Variants in MRPL21 observed in about 807,000 individuals in gnomAD.
The protein encoded by MRPL21 is large ribosomal subunit protein bL21m.
MRPL21 carries 20 observed loss-of-function variants against 27.3 expected under a neutral mutation model. The ratio of observed to expected loss-of-function variants is 0.73; its 90% CI spans 0.52 to 1.06. The LOEUF (loss-of-function observed/expected upper bound fraction) is 1.06. MRPL21 is among the 50% of genes least tolerant of loss of function. The probability of loss-of-function intolerance (pLI) is 0.00; values close to 1 mark genes in which losing one functional copy is unlikely to be tolerated. For synonymous variants in MRPL21, 98 were observed against 101.5 expected, an observed-to-expected ratio of 0.97 and a Z score of 0.21; for missense variants, 249 against 251.4, an observed-to-expected ratio of 0.99 and a Z score of 0.06.
chr11:68,893,591 G>C, intron 4 of MRPL21, 136 bp from the exon 5 acceptor site: 1 of 1,175,782 alleles, frequency 8.5e-7, no homozygotes, highest in Non-Finnish European at 1.2e-6. Context: ...TTCATCTGCT[G>C]TCTAATGATC....
Position 68,896,630 on chromosome 11 carries a change from C to G in MRPL21, c.281G>C (p.Arg94Thr). ...NEMIVTGQYG[R>T]LFAVVHFASR... The stretch of plus-strand genomic sequence containing the variant: ...GGCAAAGTGCACCACGGCAAAGAGC[C>G]TGCCATACTGCCCCGTGACGATCAT... Residue 94 changes from arginine to threonine, a missense_variant, in exon 4 of 7, where the codon AGG becomes ACG. By Grantham distance (71) the Arg-to-Thr change is moderately conservative. Transcript: ENST00000362034. 6.2e-7 allele frequency: 1 copy of G among 1,614,242 alleles called. No homozygotes were observed. The highest frequency in any genetic ancestry group is 8.5e-7 in the Non-Finnish European group (1 of 1,180,044).
Position 68,898,027 on chromosome 11 carries a change from T to C in MRPL21, c.147-15A>G. On this transcript the variant is annotated splice_polypyrimidine_tract_variant and intron_variant, in intron 2 of 6. Transcript: ENST00000362034. ...TAGGAACATATCTGTAAAACACATT[T>C]CGTAGACAAATGTCACAAGCACCTG... The C allele has an allele frequency of 1.9e-6, 3 of 1,606,270 alleles. No homozygotes were observed. Among genetic ancestry groups the C allele is most frequent in the Non-Finnish European group, 2.6e-6 (3 of 1,172,908 alleles).
chr11:68,900,703 G>A, intron 1 of MRPL21, 98 bp from the exon 2 acceptor site: 12 of 1,057,514 alleles, frequency 1.1e-5, no homozygotes, highest in Non-Finnish European at 1.8e-5. Flanking sequence ...CCTGGTACAT[G>A]GTATGAACCA....
intron 6 of MRPL21, chr11:68,891,961 G>T: frequency 1.3e-5 from 10 of 741,372 alleles, no homozygotes; most frequent in Non-Finnish European, 1.8e-5. Flanking sequence ...GTGCAGACCT[G>T]CTAGGACAGC....
intron 4 of MRPL21, among the ~76,000 whole-genome samples, chr11:68,894,241 G>A (rs982898641): frequency 1.1e-4 from 17 of 152,100 alleles, no homozygotes; most frequent in African/African-American, 4.1e-4. Context: ...CACCAAGTGT[G>A]GCTGCAGATG....
intron 5 of MRPL21, 181 bp downstream of exon 5, chr11:68,893,219 CAAT>C (rs1282138403): frequency 1.4e-6 from 2 of 1,403,596 alleles, no homozygotes; most frequent in Non-Finnish European, 1.9e-6. Context: ...AGCAAGAGAC[CAAT>C]AATTTGGTCT....
chr11:68,897,067 G>C (rs1244512497), intron 3 of MRPL21, among the ~76,000 whole-genome samples: 1 of 152,202 alleles, frequency 6.6e-6, no homozygotes, highest in East Asian at 1.9e-4. Flanking sequence ...GGAGCCAGCA[G>C]ACCAGAAGTG....
intron 6 of MRPL21, 63 bp downstream of exon 6, chr11:68,892,827 T>C: frequency 6.3e-7 from 1 of 1,577,972 alleles, no homozygotes; most frequent in Non-Finnish European, 8.6e-7. Flanking sequence ...ACACCCTCCG[T>C]CCGCATGCGC....
Position 68,896,762 on chromosome 11 carries a change from G to A in MRPL21, c.233-84C>T, listed in dbSNP as rs1325555472. On this transcript the variant is annotated intron_variant, in intron 3 of 6. Coordinates refer to ENST00000362034, the MANE Select transcript of MRPL21 (RefSeq NM_181514.2). Reference sequence around the variant, plus strand: ...GTGTGATGTGCAGCTCCTGGTGGTGGGGCCCTAGGGTGGACCTGACAGCCA... The same window carrying A: ...GTGTGATGTGCAGCTCCTGGTGGTGAGGCCCTAGGGTGGACCTGACAGCCA... The A allele has an allele frequency of 1.8e-5, 28 of 1,562,366 alleles. 1 individual carries two copies. Among genetic ancestry groups the A allele is most frequent in the Admixed American group, 6.8e-5 (4 of 58,596 alleles).
intron 6 of MRPL21, 171 bp downstream of exon 6, chr11:68,892,719 A>G (rs779935539): frequency 3.3e-5 from 51 of 1,532,988 alleles, no homozygotes; most frequent in Non-Finnish European, 1.7e-6. Context: ...GCGAGGCTGG[A>G]CCCTCTGGGT....
At chr11:68,895,826 T>A (rs1167159119) in intron 4 of MRPL21, among the ~76,000 whole-genome samples, 1 of 152,124 alleles carries the variant, frequency 6.6e-6, no homozygotes, top group Admixed American at 6.5e-5. Context: ...TGTGCCACCA[T>A]GCCCACCTAA....
chr11:68,901,506 A>C (rs953968395), intron 1 of MRPL21, among the ~76,000 whole-genome samples: 36 of 152,228 alleles, frequency 2.4e-4, no homozygotes, highest in African/African-American at 8.4e-4. Context: ...AACCACTTTT[A>C]AAGAAACTCA....
intron 1 of MRPL21, among the ~76,000 whole-genome samples, chr11:68,901,629 G>A (rs1857937944): frequency 1.3e-5 from 2 of 152,032 alleles, no homozygotes; most frequent in African/African-American, 2.4e-5. Flanking sequence ...TTGGGCATCC[G>A]GGGCTCAACC....
intron 2 of MRPL21, among the ~76,000 whole-genome samples, chr11:68,900,262 T>C (rs908397374): frequency 2.6e-5 from 4 of 152,180 alleles, no homozygotes; most frequent in Admixed American, 6.5e-5. Context: ...TCTCTTGCAG[T>C]TACGTCTTCT....
intron 3 of MRPL21, among the ~76,000 whole-genome samples, chr11:68,897,243 C>G (rs1460785476): frequency 6.6e-6 from 1 of 152,146 alleles, no homozygotes; most frequent in Non-Finnish European, 1.5e-5. Flanking sequence ...GGTCACAGTC[C>G]CCTCTCTTCT....
intron 4 of MRPL21, 179 bp downstream of exon 4, chr11:68,896,336 T>C (rs563505094): frequency 2.2e-5 from 16 of 736,976 alleles, no homozygotes; most frequent in Non-Finnish European, 3.6e-5. Context: ...AAGCCTGCCC[T>C]GCCCTTGGAC....
chr11:68,901,924 C>T (rs921193026), intron 1 of MRPL21, among the ~76,000 whole-genome samples: 3 of 152,188 alleles, frequency 2.0e-5, no homozygotes, highest in Admixed American at 6.5e-5. Context: ...AGGCCCCAAA[C>T]CTCCATCAGT....
At chr11:68,891,938 G>T in intron 6 of MRPL21, 2 of 594,608 alleles carry the variant, frequency 3.4e-6, no homozygotes, top group Non-Finnish European at 5.2e-6. Context: ...GCCCACTATG[G>T]GGGATGTCCT....
At position 68,893,494 on chromosome 11, in the gene MRPL21, T is replaced by C. The variant is rs118025268; in HGVS notation, c.397-39A>G. The stretch of plus-strand genomic sequence containing the variant: ...CAGGTGTGTTTCATCAGTGGCTCAT[T>C]ACGATGAGTAAGAACAGTTGCTAAT... On this transcript the variant is annotated intron_variant, in intron 4 of 6. Coordinates refer to ENST00000362034, the MANE Select transcript of MRPL21 (RefSeq NM_181514.2). 9,279 of 1,613,732 alleles carry C rather than the reference T, an allele frequency of 5.8e-3. 34 individuals carry two copies. Among genetic ancestry groups the C allele is most frequent in the Non-Finnish European group, 7.2e-3 (8,484 of 1,179,666 alleles).
Sources: gnomAD v4.1 joint callset for allele counts (sites outside exome capture counted in the v4.1 genomes callset) on GRCh38, gnomAD v4.1.1 for gene constraint, MANE v1.5 for transcripts, NCBI Gene and HGNC (gene_info 2026-07-23, HGNC 2026-07-21) for gene names.